Variants in G3BP2 observed in about 807,000 individuals in gnomAD.
G3BP2 encodes the protein ras GTPase-activating protein-binding protein 2.
A neutral mutation model predicts 56.7 loss-of-function variants in G3BP2; 11 were observed. The ratio of observed to expected loss-of-function variants is 0.19; its 90% CI spans 0.12 to 0.32. The LOEUF is 0.32. G3BP2 is among the 10% of genes least tolerant of loss of function. The pLI is 1.00. For missense variants in G3BP2, 340 were observed against 610.9 expected (o/e 0.56, Z 4.67); for synonymous variants, 165 against 191.6 (o/e 0.86, Z 1.15).
intron 8 of G3BP2, among the ~76,000 whole-genome samples, chr4:75,651,517 G>A (rs1228197779): frequency 6.6e-6 from 1 of 152,146 alleles, no homozygotes; most frequent in Non-Finnish European, 1.5e-5. Context: ...ATCTGATGAT[G>A]CCAGTTTAAG....
At chr4:75,657,250 A>G (rs1417901620) in intron 4 of G3BP2, among the ~76,000 whole-genome samples, 1 of 152,232 alleles carries the variant, frequency 6.6e-6, no homozygotes, top group Admixed American at 6.5e-5. Flanking sequence ...AGAAACAGCT[A>G]TTTAATAGAA....
intron 11 of G3BP2, among the ~76,000 whole-genome samples, chr4:75,646,077 G>C (rs922994236): frequency 6.6e-6 from 1 of 152,130 alleles, no homozygotes; most frequent in Admixed American, 6.5e-5. Context: ...CCAAAGTGCT[G>C]GGATTACAAG....
At chr4:75,708,966 C>G (rs1235920709) in intron 3 of G3BP2, among the ~76,000 whole-genome samples, 2 of 151,924 alleles carry the variant, frequency 1.3e-5, no homozygotes, top group Non-Finnish European at 2.9e-5. Flanking sequence ...AAAAAATAGC[C>G]AGGCATGGTG....
In G3BP2 at chr4:75,644,213, C is replaced by T. The variant is rs1453450110; in HGVS notation, c.*1217G>A. 6.6e-6 allele frequency: 1 copy of T among 152,420 alleles called. No homozygotes were observed. The highest frequency in any genetic ancestry group is 1.9e-4 in the East Asian group (1 of 5,184). The allele number at this position is 152,420 out of a possible 1,614,324, so 9.4% of individuals were successfully genotyped here. ...CGTCAAGTTGACTGACTTTTCCAAG[C>T]CCTGAAGTGATATGTTTCAACGTCC... On this transcript the variant is annotated 3_prime_UTR_variant, in exon 12 of 12. Coordinates refer to ENST00000359707, the MANE Select transcript of G3BP2 (RefSeq NM_203505.3).
chr4:75,723,983 T>C (rs1363381554), intron 1 of G3BP2: 1 of 151,882 alleles, frequency 6.6e-6, no homozygotes, highest in African/African-American at 2.4e-5. Flanking sequence ...AGCAGAACAA[T>C]GTATTTCTCT....
At chr4:75,706,435 A>G (rs1207214916) in intron 3 of G3BP2, among the ~76,000 whole-genome samples, 2 of 152,164 alleles carry the variant, frequency 1.3e-5, no homozygotes, top group African/African-American at 4.8e-5. Flanking sequence ...GAGCTCTGCC[A>G]CTTAGCAGCT....
intron 3 of G3BP2, among the ~76,000 whole-genome samples, chr4:75,688,285 C>T (rs1418736179): frequency 6.6e-6 from 1 of 152,084 alleles, no homozygotes; most frequent in Non-Finnish European, 1.5e-5. Flanking sequence ...TCAAGTGTTC[C>T]ACCTGCCTCA....
intron 3 of G3BP2, among the ~76,000 whole-genome samples, chr4:75,684,250 A>G (rs997152594): frequency 2.6e-5 from 4 of 151,840 alleles, no homozygotes; most frequent in African/African-American, 7.3e-5. Flanking sequence ...TAAAAATACA[A>G]AAAAATTAGC....
At chr4:75,686,471 TGGTG>T (rs1387911073) in intron 3 of G3BP2, among the ~76,000 whole-genome samples, 6 of 149,710 alleles carry the variant, frequency 4.0e-5, no homozygotes, top group Non-Finnish European at 7.4e-5. Flanking sequence ...GTCTTGAAGG[TGGTG>T]GGTGGTGTAA....
At position 75,673,324 on chromosome 4, in the gene G3BP2, GGAA is replaced by G. The variant is rs1212680969; in HGVS notation, c.-144_-142del. 8.1e-7 allele frequency: 1 copy of G among 1,229,572 alleles called. No individual in the cohort carries two copies. Among genetic ancestry groups the G allele is most frequent in the Admixed American group, 4.2e-5 (1 of 23,638 alleles). 76.2% of individuals were successfully genotyped at this position (1,229,572 alleles called of 1,614,324 possible). ...CTTCCTCCGACAACTCGGAAGCCTCGGAAGCCGGAGAGCCGCGAGTTCGTCTGC... is the reference window on the plus strand; with the variant it reads ...CTTCCTCCGACAACTCGGAAGCCTCGGCCGGAGAGCCGCGAGTTCGTCTGC... On this transcript the variant is annotated 5_prime_UTR_variant, in exon 1 of 12. Transcript: ENST00000359707.
Position 75,644,520 on chromosome 4 carries a change from T to C in G3BP2, c.*910A>G, listed in dbSNP as rs967053496. 1 of 152,630 alleles carries C rather than the reference T, an allele frequency of 6.6e-6. No homozygotes were observed. Among genetic ancestry groups the C allele is most frequent in the Non-Finnish European group, 1.5e-5 (1 of 68,040 alleles). 9.5% of individuals were successfully genotyped at this position (152,630 alleles called of 1,614,324 possible). ...AAAATTACCAGCAAGACTGGAATGA[T>C]GTATTAATAGAAGGCACCATCATGC... is the stretch of plus-strand genomic sequence containing the variant. On this transcript the variant is annotated 3_prime_UTR_variant, in exon 12 of 12. Coordinates refer to ENST00000359707, the MANE Select transcript of G3BP2 (RefSeq NM_203505.3).
At chr4:75,680,517 A>T (rs192754900) in intron 3 of G3BP2, among the ~76,000 whole-genome samples, 5 of 152,312 alleles carry the variant, frequency 3.3e-5, no homozygotes, top group African/African-American at 1.2e-4. Flanking sequence ...GTATATGTGC[A>T]TGATTCCTGT....
intron 3 of G3BP2, among the ~76,000 whole-genome samples, chr4:75,720,022 C>CTTTTTTTTTTTTTTTTT (rs67468716): frequency 5.1e-5 from 5 of 97,316 alleles, no homozygotes; most frequent in Admixed American, 1.3e-4. Flanking sequence ...GCCCAGAACC[C>CTTTTTTTTTTTTTTTTT]TTTTTTTTTT....
chr4:75,720,571 C>A (rs1445206325), intron 3 of G3BP2, among the ~76,000 whole-genome samples: 1 of 149,302 alleles, frequency 6.7e-6, no homozygotes, highest in Non-Finnish European at 1.5e-5. Flanking sequence ...CTGAGGCAGG[C>A]GGATCATAAG....
upstream of G3BP2, among the ~76,000 whole-genome samples, chr4:75,674,736 T>A (rs1367295133): frequency 2.4e-5 from 2 of 84,646 alleles, no homozygotes; most frequent in African/African-American, 3.4e-5. Context: ...TTTTTTTTTT[T>A]TTTTAAGATG....
intron 11 of G3BP2, 28 bp from the exon 12 acceptor site, chr4:75,645,730 C>A: frequency 6.2e-7 from 1 of 1,601,132 alleles, no homozygotes; most frequent in Non-Finnish European, 8.5e-7. Context: ...AAAATATTTA[C>A]ATGGGCAGGT....
intron 9 of G3BP2, 31 bp downstream of exon 9, chr4:75,648,608 A>C (rs1731423228): frequency 9.0e-7 from 1 of 1,112,394 alleles, no homozygotes; most frequent in Admixed American, 1.8e-5. Context: ...ACAAATGTTA[A>C]ATGCTAAAGG....
chr4:75,706,549 T>C (rs908664117), intron 3 of G3BP2, among the ~76,000 whole-genome samples: 4 of 151,922 alleles, frequency 2.6e-5, no homozygotes, highest in Admixed American at 2.6e-4. Flanking sequence ...TGGTGGCGCA[T>C]GCCTGTAATA....
rs28512182 is a variant in G3BP2, at chr4:75,700,561, T to C, written c.-25+20316A>G. ...TCAGCCTCCTGAGTAGCTGGGACTATAGGCGCGTGCCACCACACCCAGCTA... is the reference window on the plus strand; with the variant it reads ...TCAGCCTCCTGAGTAGCTGGGACTACAGGCGCGTGCCACCACACCCAGCTA... On this transcript the variant is annotated intron_variant, in intron 3 of 3. Coordinates refer to the G3BP2 transcript ENST00000499709. Among the ~76,000 whole-genome samples, 53 of 132,162 alleles carry C rather than the reference T, an allele frequency of 4.0e-4. 1 individual carries two copies. The highest frequency in any genetic ancestry group is 1.5e-3 in the African/African-American group (53 of 35,328). The allele number at this position is 132,162 out of a possible 152,430, so 86.7% of individuals were successfully genotyped here.
Sources: allele counts gnomAD v4.1 joint callset (sites outside exome capture counted in the v4.1 genomes callset), GRCh38; gene constraint gnomAD v4.1.1; transcripts MANE v1.5; gene names NCBI Gene and HGNC (gene_info 2026-07-23, HGNC 2026-07-21).